Variants in WDFY1 observed in about 807,000 individuals in gnomAD.
WDFY1 encodes WD repeat and FYVE domain containing 1.
WDFY1 carries 32 observed loss-of-function variants against 56.4 expected under a neutral mutation model. The observed-to-expected ratio is 0.57, with a 90% CI of 0.43 to 0.76. The LOEUF is 0.76. Among genes scored for constraint, WDFY1 ranks in the 30% least tolerant of loss-of-function variants. The probability of loss-of-function intolerance (pLI) is 0.00; values close to 1 mark genes in which losing one functional copy is unlikely to be tolerated. For synonymous variants in WDFY1, 192 were observed against 197.3 expected (o/e 0.97, Z 0.23); for missense variants, 480 against 545.7 (o/e 0.88, Z 1.20).
intron 1 of WDFY1, among the ~76,000 whole-genome samples, chr2:223,932,858 G>T (rs929849155): frequency 5.2e-5 from 6 of 115,440 alleles, no homozygotes; most frequent in African/African-American, 2.0e-4. Flanking sequence ...AGTACCTCCA[G>T]GGGATACAGG....
intron 1 of WDFY1, among the ~76,000 whole-genome samples, chr2:223,934,276 A>G (rs1694132937): frequency 6.6e-6 from 1 of 151,854 alleles, no homozygotes; most frequent in Non-Finnish European, 1.5e-5. Flanking sequence ...TTTAGTAGAG[A>G]TGGGGTGTCT....
chr2:223,942,430 G>A (rs1396460155), intron 1 of WDFY1, among the ~76,000 whole-genome samples: 1 of 151,410 alleles, frequency 6.6e-6, no homozygotes, highest in African/African-American at 2.4e-5. Flanking sequence ...GTGTTAGCCA[G>A]GATGGTCTCG....
chr2:223,888,982 C>A (rs1333834650), intron 8 of WDFY1, among the ~76,000 whole-genome samples: 1 of 146,890 alleles, frequency 6.8e-6, no homozygotes, highest in Non-Finnish European at 1.5e-5. Context: ...TGGCTCACTG[C>A]AACCTCCGCC....
intron 1 of WDFY1, 92 bp from the exon 2 acceptor site, chr2:223,918,102 AC>A: frequency 7.4e-7 from 1 of 1,357,208 alleles, no homozygotes; most frequent in Non-Finnish European, 1.0e-6. Flanking sequence ...TTTGTTTAAC[AC>A]TATTTCCTAA....
intron 8 of WDFY1, among the ~76,000 whole-genome samples, chr2:223,886,482 T>C (rs1003453295): frequency 6.6e-6 from 1 of 152,170 alleles, no homozygotes; most frequent in Admixed American, 6.5e-5. Context: ...CCCAGCACTT[T>C]GGGAGGCCAA....
intron 1 of WDFY1, among the ~76,000 whole-genome samples, chr2:223,922,815 G>C (rs1243798867): frequency 6.6e-6 from 1 of 152,148 alleles, no homozygotes; most frequent in Non-Finnish European, 1.5e-5. Context: ...ACCTGGAAAA[G>C]TCTAATGTTA....
intron 2 of WDFY1, among the ~76,000 whole-genome samples, chr2:223,916,261 T>C (rs1380885256): frequency 6.6e-6 from 1 of 152,186 alleles, no homozygotes; most frequent in Non-Finnish European, 1.5e-5. Context: ...AAATGCTGCA[T>C]GCACAATGAA....
Position 223,880,241 on chromosome 2 carries a change from A to C in WDFY1, c.1065-9T>G. The C allele has an allele frequency of 6.2e-7, 1 of 1,612,992 alleles. No individual in the cohort carries two copies. The highest frequency in any genetic ancestry group is 2.2e-5 in the East Asian group (1 of 44,876). On this transcript the variant is annotated splice_polypyrimidine_tract_variant and intron_variant, in intron 10 of 11. Coordinates refer to ENST00000233055, the MANE Select transcript of WDFY1 (RefSeq NM_020830.5). ...TCGCTAGAGAAGTCCGACTAACAAG[A>C]GAAAAGAGATCACTGAAAATTTACT...
rs185901731 is a variant in WDFY1, at chr2:223,884,101, A to G, written c.933+547T>C. Among the ~76,000 whole-genome samples, 212 of 150,230 alleles carry G rather than the reference A, an allele frequency of 1.4e-3. 1 individual carries two copies. The highest frequency in any genetic ancestry group is 6.9e-3 in the Middle Eastern group (2 of 288). On this transcript the variant is annotated intron_variant, in intron 9 of 11. Coordinates refer to ENST00000233055, the MANE Select transcript of WDFY1 (RefSeq NM_020830.5). The stretch of plus-strand genomic sequence containing the variant: ...ACAAGAATCCTTTAACAGCACCTTT[A>G]AAATCTACAGGCTATTTGGAACATA...
At chr2:223,902,347 G>C (rs549875421) in intron 4 of WDFY1, among the ~76,000 whole-genome samples, 1 of 152,322 alleles carries the variant, frequency 6.6e-6, no homozygotes, top group South Asian at 2.1e-4. Flanking sequence ...AGGATTGTTT[G>C]AGGCCAGGAG....
chr2:223,897,371 TA>T (rs1559165913), intron 6 of WDFY1, among the ~76,000 whole-genome samples: 9,530 of 65,264 alleles, frequency 0.15, 813 homozygotes, highest in Admixed American at 0.22. Flanking sequence ...TATATATATA[TA>T]TATATATATA....
intron 3 of WDFY1, among the ~76,000 whole-genome samples, chr2:223,908,660 G>C (rs955318999): frequency 1.3e-5 from 2 of 152,002 alleles, no homozygotes; most frequent in Non-Finnish European, 2.9e-5. Context: ...TCTAGTTCAC[G>C]GCAGCCACCG....
chr2:223,930,196 T>C (rs187597442), intron 1 of WDFY1, among the ~76,000 whole-genome samples: 1 of 152,342 alleles, frequency 6.6e-6, no homozygotes, highest in East Asian at 1.9e-4. Context: ...CAGCGTGCGA[T>C]ATTGTATGTA....
chr2:223,914,789 C>CA (rs1410423560), intron 2 of WDFY1, among the ~76,000 whole-genome samples: 1 of 151,570 alleles, frequency 6.6e-6, no homozygotes, highest in Admixed American at 6.6e-5. Flanking sequence ...ATTATATTAC[C>CA]AAAAAAAGGC....
At chr2:223,935,437 T>C (rs1288013642) in intron 1 of WDFY1, among the ~76,000 whole-genome samples, 1 of 152,232 alleles carries the variant, frequency 6.6e-6, no homozygotes, top group Non-Finnish European at 1.5e-5. Flanking sequence ...TCAGTATATA[T>C]GTGCTAATAA....
intron 9 of WDFY1, 44 bp from the exon 10 acceptor site, chr2:223,882,116 G>C (rs777319609): frequency 1.9e-6 from 3 of 1,589,626 alleles, no homozygotes; most frequent in Non-Finnish European, 2.6e-6. Flanking sequence ...GTTAGCTTTC[G>C]CTTTTTGTTT....
At chr2:223,912,058 GC>G (rs1292221508) in intron 3 of WDFY1, among the ~76,000 whole-genome samples, 194 bp downstream of exon 3, 3 of 152,008 alleles carry the variant, frequency 2.0e-5, no homozygotes, top group Admixed American at 1.3e-4. Flanking sequence ...CAAGCGATCC[GC>G]CCGCCTCAGC....
At chr2:223,925,148 T>C (rs1693956054) in intron 1 of WDFY1, among the ~76,000 whole-genome samples, 1 of 151,590 alleles carries the variant, frequency 6.6e-6, no homozygotes, top group Non-Finnish European at 1.5e-5. Context: ...TATATAATCA[T>C]TACAAATAGT....
At chr2:223,885,032 G>A (rs1281109388) in intron 8 of WDFY1, among the ~76,000 whole-genome samples, 1 of 151,798 alleles carries the variant, frequency 6.6e-6, no homozygotes. Context: ...AGTAGACATG[G>A]GGTTTTGCCA....
Sources: gnomAD v4.1 joint callset for allele counts (sites outside exome capture counted in the v4.1 genomes callset) on GRCh38, gnomAD v4.1.1 for gene constraint, MANE v1.5 for transcripts, NCBI Gene and HGNC (gene_info 2026-07-23, HGNC 2026-07-21) for gene names.